The following TMEM128 variants were observed in gnomAD, a reference collection of about 807,000 sequenced individuals.
TMEM128 encodes the protein transmembrane protein 128.
In TMEM128, 16 loss-of-function variants were observed where a neutral mutation model predicts 19.7. That is an observed-to-expected ratio of 0.81 (90% CI 0.55 to 1.23). TMEM128 has a LOEUF of 1.23. TMEM128 is among the 50% of genes most tolerant of loss of function. The probability of loss-of-function intolerance (pLI) is 0.00; values close to 1 mark genes in which losing one functional copy is unlikely to be tolerated. For missense variants in TMEM128, 237 were observed against 200.8 expected (o/e 1.18, Z -1.09); for synonymous variants, 98 against 75.8 (o/e 1.29, Z -1.52).
chr4:4,248,172 G>C lies in TMEM128; in HGVS notation c.31C>G (p.Arg11Gly). Residue 11 changes from arginine to glycine, a missense_variant, in exon 1 of 5, where the codon CGG (arginine) becomes GGG (glycine). By Grantham distance (125) the Arg-to-Gly change is moderately radical. Transcript: ENST00000382753. ...TCCGGCAGGAGGAGGAATCGCCGCC[G>C]GAGCTGCTGCCGGGCCCGCGAGGAG... MDSSRARQQL[R>G]RRFLLLPDAE... The C allele has an allele frequency of 6.5e-7, 1 of 1,532,272 alleles. No homozygotes were observed. The highest frequency in any genetic ancestry group is 1.2e-5 in the South Asian group (1 of 83,502). 94.9% of individuals were successfully genotyped at this position (1,532,272 alleles called of 1,614,324 possible).
intron 1 of TMEM128, chr4:4,247,610 ACC>A (rs1203566440): frequency 6.2e-7 from 1 of 1,614,092 alleles, no homozygotes; most frequent in Non-Finnish European, 8.5e-7. Context: ...CCTGTTTTGT[ACC>A]CAAATGGCGG....
At chr4:4,241,406 C>T (rs1423387873) in intron 2 of TMEM128, among the ~76,000 whole-genome samples, 1 of 152,202 alleles carries the variant, frequency 6.6e-6, no homozygotes, top group Admixed American at 6.5e-5. Flanking sequence ...GCAACCTGGA[C>T]AACCCCTTCC....
At position 4,243,373 on chromosome 4, in the gene TMEM128, C is replaced by T. The variant is rs530205611; in HGVS notation, c.239+2829G>A. Among the ~76,000 whole-genome samples the T allele has an allele frequency of 2.0e-3, 298 of 152,286 alleles. 1 individual carries two copies. The highest frequency in any genetic ancestry group is 6.6e-3 in the African/African-American group (274 of 41,570). On this transcript the variant is annotated intron_variant, in intron 2 of 4. Transcript: ENST00000382753. Reference sequence around the variant, plus strand: ...CTGGGATTACAGGCGTGAGCCACCGCGCCTGGCCTGTTTTGTTTTTAATAT... The same window carrying T: ...CTGGGATTACAGGCGTGAGCCACCGTGCCTGGCCTGTTTTGTTTTTAATAT...
intron 3 of TMEM128, among the ~76,000 whole-genome samples, chr4:4,238,712 T>C (rs1413626355): frequency 6.6e-6 from 1 of 152,164 alleles, no homozygotes; most frequent in South Asian, 2.1e-4. Flanking sequence ...AAAGAATATG[T>C]ATAAAGGTAT....
chr4:4,238,928 G>C (rs190625544), intron 3 of TMEM128, among the ~76,000 whole-genome samples: 9 of 152,258 alleles, frequency 5.9e-5, no homozygotes, highest in Admixed American at 1.3e-4. Context: ...AACTACTCGG[G>C]AGGCTGAGTG....
rs1422393106 is a variant in TMEM128, at chr4:4,237,548, G to A, written c.*9+279C>T. On this transcript the variant is annotated intron_variant, in intron 4 of 4. Transcript: ENST00000382753. Reference sequence around the variant, plus strand: ...TACCAGCTACTTGGGAAACTGAGGTGGGAGGATTGCTTGAGCCCCCAAGTG... The same window carrying A: ...TACCAGCTACTTGGGAAACTGAGGTAGGAGGATTGCTTGAGCCCCCAAGTG... Among the ~76,000 whole-genome samples the A allele has an allele frequency of 2.6e-5, 4 of 152,174 alleles. 1 individual carries two copies. The highest frequency in any genetic ancestry group is 5.9e-5 in the Non-Finnish European group (4 of 68,038).
At chr4:4,240,843 C>T (rs1214634711) in intron 2 of TMEM128, among the ~76,000 whole-genome samples, 3 of 152,138 alleles carry the variant, frequency 2.0e-5, no homozygotes, top group Admixed American at 6.5e-5. Context: ...TTTGGAAGGC[C>T]GAGGCAGGTG....
Position 4,246,184 on chromosome 4 carries a change from G to A in TMEM128, c.239+18C>T. On this transcript the variant is annotated intron_variant, in intron 2 of 4. Transcript: ENST00000382753. The stretch of plus-strand genomic sequence containing the variant: ...ATCAGACTTGGGTTTAATTTACAAA[G>A]CAATAAAATTTTCTTACCTGCTAGT... 6.4e-7 allele frequency: 1 copy of A among 1,574,016 alleles called. No individual in the cohort carries two copies. The highest frequency in any genetic ancestry group is 1.8e-4 in the Middle Eastern group (1 of 5,660).
Position 4,240,341 on chromosome 4 carries a change from G to C in TMEM128, c.378C>G (p.Ser126=). 1 of 1,613,490 alleles carries C rather than the reference G, an allele frequency of 6.2e-7. No homozygotes were observed. Among genetic ancestry groups the C allele is most frequent in the Non-Finnish European group, 8.5e-7 (1 of 1,179,808 alleles). ...CTTACCAAATTCCTGCTGCAATAAAGGAGGCAGTGGTAATGGGTATCAAGG... is the reference window on the plus strand; with the variant it reads ...CTTACCAAATTCCTGCTGCAATAAACGAGGCAGTGGTAATGGGTATCAAGG... ...YPALIPITTA[S]FIAAGICFNI... The change falls in exon 3 of 5, where the codon TCC becomes TCG. Residue 126 remains serine, a synonymous_variant. Transcript: ENST00000382753.
chr4:4,236,875 C>T (rs1234241825), intron 4 of TMEM128, among the ~76,000 whole-genome samples: 4 of 152,242 alleles, frequency 2.6e-5, no homozygotes, highest in Admixed American at 6.5e-5. Flanking sequence ...AGTTTCCACA[C>T]CTGTCAACTG....
intron 2 of TMEM128, among the ~76,000 whole-genome samples, chr4:4,243,225 G>A (rs1189182033): frequency 6.6e-6 from 1 of 151,820 alleles, no homozygotes; most frequent in Non-Finnish European, 1.5e-5. Context: ...GACTACAGGC[G>A]CCCGCCACCA....
intron 3 of TMEM128, among the ~76,000 whole-genome samples, chr4:4,239,821 T>C (rs369199835): frequency 6.8e-4 from 104 of 152,234 alleles, no homozygotes; most frequent in African/African-American, 2.4e-3. Flanking sequence ...TACAAATCCA[T>C]TTCTATAAAG....
intron 2 of TMEM128, among the ~76,000 whole-genome samples, chr4:4,245,673 TTTA>T (rs1222043009): frequency 6.6e-6 from 1 of 152,222 alleles, no homozygotes; most frequent in Admixed American, 6.5e-5. Context: ...TCTCATTGGT[TTTA>T]TTTTTTCCAG....
Position 4,247,011 on chromosome 4 carries a change from G to A in TMEM128, c.98-668C>T, listed in dbSNP as rs904759805. Among the ~76,000 whole-genome samples the A allele has an allele frequency of 2.6e-5, 4 of 152,092 alleles. No individual in the cohort carries two copies. The South Asian group carries it at 6.2e-4, about 24-fold the overall frequency. On this transcript the variant is annotated intron_variant, in intron 1 of 4. Transcript: ENST00000382753. ...GAACTCCTGACCTCGTGATCAGCCC[G>A]CCTCAGCCTCTCAAAGTGCTGGGAT...
At chr4:4,242,620 G>A (rs1200885311) in intron 2 of TMEM128, among the ~76,000 whole-genome samples, 1 of 151,854 alleles carries the variant, frequency 6.6e-6, no homozygotes, top group East Asian at 2.0e-4. Context: ...CCAGGTTCAA[G>A]CTATCCTCCT....
In TMEM128 at chr4:4,237,926, A is replaced by T; in HGVS notation, c.408T>A (p.Ile136=). ...AAAACGACCACACATGCCATAAAGC[A>T]ATGTTGAAGCTGAAAAGAACAAGAC... ...SFIAAGICFN[I]ALWHVWSFFT... Residue 136 remains isoleucine, a synonymous_variant, in exon 4 of 5, where the codon ATT becomes ATA. Transcript: ENST00000382753. The T allele has an allele frequency of 6.4e-7, 1 of 1,563,724 alleles. No homozygotes were observed. Among genetic ancestry groups the T allele is most frequent in the Non-Finnish European group, 8.7e-7 (1 of 1,153,140 alleles).
intron 4 of TMEM128, among the ~76,000 whole-genome samples, chr4:4,237,293 A>G (rs1273165496): frequency 1.3e-5 from 2 of 152,204 alleles, no homozygotes; most frequent in African/African-American, 2.4e-5. Flanking sequence ...TAATTTCAAC[A>G]TAAAATGGTC....
In TMEM128 at chr4:4,248,173, G is replaced by T; in HGVS notation, c.30C>A (p.Leu10=). The part of the protein sequence containing the change: MDSSRARQQ[L]RRRFLLLPDA... ...CCGGCAGGAGGAGGAATCGCCGCCG[G>T]AGCTGCTGCCGGGCCCGCGAGGAGT... is the stretch of plus-strand genomic sequence containing the variant. The change falls in exon 1 of 5, where the codon CTC becomes CTA. Residue 10 remains leucine, a synonymous_variant. Transcript: ENST00000382753. The T allele has an allele frequency of 9.1e-6, 14 of 1,532,238 alleles. No homozygotes were observed. Among genetic ancestry groups the T allele is most frequent in the Non-Finnish European group, 1.2e-5 (14 of 1,140,406 alleles). The allele number at this position is 1,532,238 out of a possible 1,614,324, so 94.9% of individuals were successfully genotyped here.
rs780620933 is a variant in TMEM128, at chr4:4,240,403, AC to A, written c.315del (p.Trp105CysfsTer15). 6.2e-7 allele frequency: 1 copy of A among 1,614,022 alleles called. No homozygotes were observed. The highest frequency in any genetic ancestry group is 8.5e-7 in the Non-Finnish European group (1 of 1,179,998). On this transcript the variant is annotated frameshift_variant, in exon 3 of 5. Transcript: ENST00000382753. LOFTEE classifies it high-confidence loss of function. Reference sequence around the variant, plus strand: ...ACATCATATTCTCCAATTCCACAATACCATTCCAGGTAGACTATGCAGTAAA... The same window carrying A: ...ACATCATATTCTCCAATTCCACAATACATTCCAGGTAGACTATGCAGTAAA... ...IAFYCIVYLE[W>X]YCGIGEYDVK...
Sources: gnomAD v4.1 joint callset for allele counts (sites outside exome capture counted in the v4.1 genomes callset) on GRCh38, gnomAD v4.1.1 for gene constraint, MANE v1.5 for transcripts, NCBI Gene and HGNC (gene_info 2026-07-23, HGNC 2026-07-21) for gene names.